The following MAGED1 variants were observed in gnomAD, a reference collection of about 807,000 sequenced individuals.
The protein encoded by MAGED1 is MAGE family member D1.
A neutral mutation model predicts 54.1 loss-of-function variants in MAGED1; 3 were observed. The observed-to-expected ratio is 0.06, with a 90% confidence interval of 0.03 to 0.14. The LOEUF is 0.14. Among genes scored for constraint, MAGED1 ranks in the 10% least tolerant of loss-of-function variants. MAGED1 has a pLI of 1.00. For missense variants in MAGED1, 485 were observed against 623.4 expected, an observed-to-expected ratio of 0.78 and a Z score of 2.36; for synonymous variants, 217 against 227.3, an observed-to-expected ratio of 0.95 and a Z score of 0.41.
Position 51,897,327 on chromosome X carries a change from G to A in MAGED1, c.1486+56G>A, listed in dbSNP as rs1398224691. On this transcript the variant is annotated intron_variant, in intron 5 of 12. Coordinates refer to ENST00000326587, the MANE Select transcript of MAGED1 (RefSeq NM_006986.4). ...TGCCCTTCCCTTCACTCCATGCTCT[G>A]TCAGCATTCTTCTGCTTGTAGCTCT... The A allele has an allele frequency of 6.5e-6, 7 of 1,083,063 alleles. No homozygotes were observed. The African/African-American group carries it at 1.3e-4, about 20-fold the overall frequency. 89.3% of individuals were successfully genotyped at this position (1,083,063 alleles called of 1,213,427 possible). A position where few individuals can be genotyped will look rare whatever the true frequency, so the allele number is the denominator to read the frequency against.
chrX:51,867,609 C>CT (rs1927502541), intron 1 of MAGED1, among the ~76,000 whole-genome samples: 1 of 111,959 alleles, frequency 8.9e-6, no homozygotes, highest in Non-Finnish European at 1.9e-5. Flanking sequence ...CCCCAGCCCG[C>CT]TGACTCAAAT....
intron 1 of MAGED1, among the ~76,000 whole-genome samples, chrX:51,828,906 A>G (rs1397121967): frequency 9.0e-6 from 1 of 111,076 alleles, no homozygotes; most frequent in Non-Finnish European, 1.9e-5. Flanking sequence ...TAAAAAAAAA[A>G]CTCTTCTAAA....
chrX:51,848,466 C>G (rs782610086), intron 1 of MAGED1, among the ~76,000 whole-genome samples: 2 of 111,297 alleles, frequency 1.8e-5, no homozygotes, highest in Non-Finnish European at 3.8e-5. Flanking sequence ...GTGTTGTCAG[C>G]CAGGGAAGCA....
At chrX:51,864,171 TGAGA>T (rs781864704) in intron 1 of MAGED1, among the ~76,000 whole-genome samples, 23 of 100,230 alleles carry the variant, frequency 2.3e-4, no homozygotes, top group African/African-American at 4.1e-4. Context: ...TTGAGGGGTG[TGAGA>T]GAGAGAGAGA....
intron 1 of MAGED1, among the ~76,000 whole-genome samples, chrX:51,826,975 A>G (rs1925872192): frequency 8.9e-6 from 1 of 112,797 alleles, no homozygotes; most frequent in African/African-American, 3.2e-5. Flanking sequence ...TGTAGAAACA[A>G]TCAAGATGTC....
chrX:51,836,695 C>T (rs1187673627), intron 1 of MAGED1, among the ~76,000 whole-genome samples: 1 of 109,260 alleles, frequency 9.2e-6, no homozygotes, highest in Non-Finnish European at 1.9e-5. Flanking sequence ...CTCAGCCTCC[C>T]GAGTAGCTGG....
At chrX:51,825,371 T>G (rs957965547) in intron 1 of MAGED1, among the ~76,000 whole-genome samples, 2 of 112,145 alleles carry the variant, frequency 1.8e-5, no homozygotes, top group African/African-American at 6.5e-5. Flanking sequence ...AAGATCTCAC[T>G]TGGCCGTATT....
chrX:51,843,681 A>AT (rs1463194828), intron 1 of MAGED1, among the ~76,000 whole-genome samples: 2 of 111,757 alleles, frequency 1.8e-5, no homozygotes, highest in Middle Eastern at 4.6e-3. Flanking sequence ...GTTTTTGGTA[A>AT]TTTTTTTATA....
chrX:51,894,715 A>ACC, intron 2 of MAGED1: 1 of 1,083,349 alleles, frequency 9.2e-7, no homozygotes, highest in Non-Finnish European at 1.2e-6. Context: ...ACTCTGTGCG[A>ACC]CCCCCCTTAT....
intron 2 of MAGED1, 60 bp from the exon 3 acceptor site, chrX:51,894,993 C>A: frequency 9.6e-7 from 1 of 1,043,045 alleles, no homozygotes; most frequent in Non-Finnish European, 1.3e-6. Context: ...CTCCCTATTC[C>A]CACCCCACCT....
intron 1 of MAGED1, among the ~76,000 whole-genome samples, chrX:51,887,519 G>T (rs1006710070): frequency 9.9e-5 from 11 of 111,573 alleles, no homozygotes; most frequent in Admixed American, 3.8e-4. Flanking sequence ...AGAGAACTCA[G>T]AAATTGCCTC....
At chrX:51,816,751 A>T (rs1925447446) in intron 1 of MAGED1, among the ~76,000 whole-genome samples, 1 of 109,925 alleles carries the variant, frequency 9.1e-6, no homozygotes, top group Non-Finnish European at 1.9e-5. Flanking sequence ...AAAAAAACAG[A>T]TATGAGAGGC....
At chrX:51,848,443 C>T (rs1602234670) in intron 1 of MAGED1, among the ~76,000 whole-genome samples, 1 of 111,394 alleles carries the variant, frequency 9.0e-6, no homozygotes, top group East Asian at 2.8e-4. Flanking sequence ...GGATGTGTGA[C>T]GGTGCATGTG....
chrX:51,850,705 C>T (rs1194762976), intron 1 of MAGED1, among the ~76,000 whole-genome samples: 1 of 110,564 alleles, frequency 9.0e-6, no homozygotes, highest in Admixed American at 9.7e-5. Context: ...TTGAGACCAG[C>T]CTGGCCAACA....
chrX:51,847,000 T>G (rs781919281), intron 1 of MAGED1, among the ~76,000 whole-genome samples: 5 of 112,319 alleles, frequency 4.5e-5, no homozygotes, highest in South Asian at 3.7e-4. Context: ...TTGTCATAAT[T>G]TGTTATAGCA....
rs782116840 is a variant in MAGED1 at position 51,896,997 on chromosome X, C to T, written c.1342C>T (p.Leu448=). Residue 448 remains leucine (L), a synonymous_variant, in exon 4 of 13, where the codon CTG becomes TTG. Transcript: ENST00000326587. ...GCAGAACCTGCGCCCCTCGCCTAACCTGCGCCCTTCTCCCAACTCGCGTGC... is the reference window on the plus strand; with the variant it reads ...GCAGAACCTGCGCCCCTCGCCTAACTTGCGCCCTTCTCCCAACTCGCGTGC... The part of the protein sequence containing the change: ...DWQNLRPSPN[L]RPSPNSRASQ... 105 of 1,209,917 alleles carry T rather than the reference C, an allele frequency of 8.7e-5. 1 individual carries two copies. In the South Asian group the frequency reaches 1.8e-3, roughly 20 times the overall value.
intron 1 of MAGED1, among the ~76,000 whole-genome samples, chrX:51,884,783 G>A (rs188164541): frequency 9.8e-5 from 11 of 112,336 alleles, no homozygotes; most frequent in African/African-American, 3.5e-4. Context: ...CCATGACCAA[G>A]TGGAATTTAT....
intron 1 of MAGED1, among the ~76,000 whole-genome samples, chrX:51,822,904 A>T (rs1557356673): frequency 9.0e-6 from 1 of 111,645 alleles, no homozygotes. Flanking sequence ...TCCTGTGTAG[A>T]TTCTTATTTG....
At chrX:51,879,693 A>C (rs1927990892) in intron 1 of MAGED1, among the ~76,000 whole-genome samples, 1 of 111,504 alleles carries the variant, frequency 9.0e-6, no homozygotes, top group Non-Finnish European at 1.9e-5. Flanking sequence ...CTGATGTTCC[A>C]GTTATGCATA....
Sources: allele counts gnomAD v4.1 joint callset (sites outside exome capture counted in the v4.1 genomes callset), GRCh38; gene constraint gnomAD v4.1.1; transcripts MANE v1.5; gene names NCBI Gene and HGNC (gene_info 2026-07-23, HGNC 2026-07-21).